The following AAGAB variants were observed in gnomAD, a reference collection of about 807,000 sequenced individuals.
AAGAB encodes the protein alpha- and gamma-adaptin-binding protein p34.
AAGAB carries 38 observed loss-of-function variants against 44.1 expected under a neutral mutation model. The ratio of observed to expected loss-of-function variants is 0.86; its 90% CI spans 0.67 to 1.13. The LOEUF is 1.13. AAGAB is among the 50% of genes most tolerant of loss of function. AAGAB has a pLI of 0.00. For synonymous variants in AAGAB, 131 were observed against 131.8 expected (o/e 0.99, Z 0.04); for missense variants, 450 against 373.8 (o/e 1.20, Z -1.68).
At chr15:67,231,743 C>T in intron 5 of AAGAB, 71 bp downstream of exon 5, 3 of 1,239,106 alleles carry the variant, frequency 2.4e-6, no homozygotes, top group Non-Finnish European at 3.5e-6. Context: ...AATGGTTCCA[C>T]ATATATCTCA....
Position 67,201,161 on chromosome 15 carries a change from G to C in AAGAB, c.*1660C>G, listed in dbSNP as rs1224671030. The C allele has an allele frequency of 6.6e-6, 1 of 150,416 alleles. No homozygotes were observed. 9.3% of individuals were successfully genotyped at this position (150,416 alleles called of 1,614,324 possible). A position where few individuals can be genotyped will look rare whatever the true frequency, so the allele number is the denominator to read the frequency against. ...TTTTCTAAAACCTTCCATCTTTTAA[G>C]GAAAACATGTTCCACCTTTTTTTTT... On this transcript the variant is annotated 3_prime_UTR_variant, in exon 10 of 10. Transcript: ENST00000261880.
rs1202621225 is a variant in AAGAB at position 67,200,826 on chromosome 15, C to T, written c.*1995G>A. 6.6e-6 allele frequency among the ~76,000 whole-genome samples: 1 copy of T among 152,152 alleles called. No homozygotes were observed. Among genetic ancestry groups the T allele is most frequent in the African/African-American group, 2.4e-5 (1 of 41,422 alleles). On this transcript the variant is annotated 3_prime_UTR_variant, in exon 10 of 10. Transcript: ENST00000261880. ...ACTAGAGACCTTCATCCCATATGTC[C>T]CTAGAAGAGGCCAATATCCCTGCAT...
intron 5 of AAGAB, among the ~76,000 whole-genome samples, chr15:67,217,757 C>T (rs771346098): frequency 6.6e-5 from 10 of 152,062 alleles, no homozygotes; most frequent in African/African-American, 9.7e-5. Context: ...AGGCTGGTCT[C>T]GAACTCCTGA....
rs758289239 is a variant in AAGAB, at chr15:67,236,664, A to G, written c.230T>C (p.Val77Ala). The change falls in exon 2 of 10, where the codon GTC (valine) becomes GCC (alanine). Residue 77 changes from valine (V) to alanine (A), a missense_variant. Val to Ala is a moderately conservative substitution (Grantham distance 64, BLOSUM62 0). Coordinates refer to ENST00000261880, the MANE Select transcript of AAGAB (RefSeq NM_024666.5). The part of the protein sequence containing the change: ...FLVTAEIAES[V>A]QAFVVYFDST... Reference sequence around the variant, plus strand: ...GTCAAAGTAAACCACAAATGCTTGGACAGATTCTGCAATCTCTGCAGTAAC... The same window carrying G: ...GTCAAAGTAAACCACAAATGCTTGGGCAGATTCTGCAATCTCTGCAGTAAC... The G allele has an allele frequency of 1.2e-6, 2 of 1,614,094 alleles. No homozygotes were observed. Among genetic ancestry groups the G allele is most frequent in the Non-Finnish European group, 1.7e-6 (2 of 1,179,980 alleles).
chr15:67,202,955 A>C, intron 9 of AAGAB, 57 bp from the exon 10 acceptor site: 1 of 1,531,466 alleles, frequency 6.5e-7, no homozygotes, highest in Non-Finnish European at 9.1e-7. Context: ...AGCTTGTTTC[A>C]TATGTCATAC....
chr15:67,213,392 AATT>A (rs1963868885), intron 5 of AAGAB, among the ~76,000 whole-genome samples: 1 of 152,090 alleles, frequency 6.6e-6, no homozygotes. Context: ...AAATATATGA[AATT>A]ATTTGCCACC....
At position 67,202,524 on chromosome 15, in the gene AAGAB, G is replaced by A. The variant is rs1335999675; in HGVS notation, c.*297C>T. The A allele has an allele frequency of 1.9e-5, 6 of 318,974 alleles. No individual in the cohort carries two copies. The highest frequency in any genetic ancestry group is 3.5e-5 in the Non-Finnish European group (6 of 172,336). The allele number at this position is 318,974 out of a possible 1,614,324, so 19.8% of individuals were successfully genotyped here. ...GGCCTGGAGGTTGTCTTCAACTTGA[G>A]TAAATCACACAGACCTCTGAGATTT... On this transcript the variant is annotated 3_prime_UTR_variant, in exon 10 of 10. Coordinates refer to ENST00000261880, the MANE Select transcript of AAGAB (RefSeq NM_024666.5).
intron 5 of AAGAB, among the ~76,000 whole-genome samples, chr15:67,215,120 CTTG>C (rs1158084267): frequency 2.0e-5 from 3 of 152,084 alleles, no homozygotes; most frequent in Non-Finnish European, 4.4e-5. Flanking sequence ...GCCATTTGTC[CTTG>C]TTGTCCTTAC....
At chr15:67,227,438 G>A (rs1964230402) in intron 5 of AAGAB, among the ~76,000 whole-genome samples, 1 of 151,864 alleles carries the variant, frequency 6.6e-6, no homozygotes, top group African/African-American at 2.4e-5. Context: ...TACTGCCACT[G>A]AAATGCATAT....
intron 4 of AAGAB, 117 bp downstream of exon 4, chr15:67,235,862 T>A: frequency 3.8e-6 from 3 of 784,382 alleles, no homozygotes; most frequent in Non-Finnish European, 6.1e-6. Context: ...TTTGCTTAAA[T>A]CCTTGAAACA....
At chr15:67,239,070 A>G (rs1964536017) in intron 1 of AAGAB, among the ~76,000 whole-genome samples, 1 of 152,182 alleles carries the variant, frequency 6.6e-6, no homozygotes, top group Non-Finnish European at 1.5e-5. Flanking sequence ...AAATACAGTA[A>G]TGAATTCACT....
Position 67,235,999 on chromosome 15 carries a change from T to C in AAGAB, c.431A>G (p.Glu144Gly). ...HGFELVELSP[E>G]ELPEEDDDFP... ...CTTACCATCCTCCTCAGGCAACTCC[T>C]CTGGACTAAGTTCTACCAATTCAAA... is the stretch of plus-strand genomic sequence containing the variant. Residue 144 changes from glutamate to glycine, a missense_variant, in exon 4 of 10, where the codon GAG (glutamate) becomes GGG (glycine). Coordinates refer to ENST00000261880, the MANE Select transcript of AAGAB (RefSeq NM_024666.5). The C allele has an allele frequency of 1.2e-6, 2 of 1,612,960 alleles. No homozygotes were observed. Among genetic ancestry groups the C allele is most frequent in the Admixed American group, 1.7e-5 (1 of 59,936 alleles).
upstream of AAGAB, chr15:67,254,895 C>T (rs1733623552): frequency 1.2e-6 from 2 of 1,613,564 alleles, no homozygotes; most frequent in African/African-American, 1.3e-5. Context: ...CCTGACCTAG[C>T]CATGGCACAG....
intron 4 of AAGAB, chr15:67,232,353 G>C (rs898038483): frequency 2.3e-5 from 4 of 176,578 alleles, no homozygotes; most frequent in African/African-American, 7.2e-5. Context: ...CATCATACAA[G>C]GAAAAAAATC....
chr15:67,203,813 T>C (rs1356804041), intron 8 of AAGAB, among the ~76,000 whole-genome samples: 3 of 152,078 alleles, frequency 2.0e-5, no homozygotes, highest in Non-Finnish European at 4.4e-5. Flanking sequence ...ATGTAACACA[T>C]TGAAAGAAAC....
Position 67,218,457 on chromosome 15 carries a change from A to G in AAGAB, c.536-8913T>C, listed in dbSNP as rs563757183. 2.6e-5 allele frequency among the ~76,000 whole-genome samples: 4 copies of G among 152,262 alleles called. No individual in the cohort carries two copies. In the East Asian group the frequency reaches 7.7e-4, roughly 29 times the overall value. On this transcript the variant is annotated intron_variant, in intron 5 of 9. Transcript: ENST00000261880. Reference sequence around the variant, plus strand: ...CTAGCCTGAAACAAACAAACAAACAAACAAACAAAAAACAACTCATCAGGC... The same window carrying G: ...CTAGCCTGAAACAAACAAACAAACAGACAAACAAAAAACAACTCATCAGGC...
At chr15:67,227,588 A>G (rs1292190807) in intron 5 of AAGAB, among the ~76,000 whole-genome samples, 1 of 152,260 alleles carries the variant, frequency 6.6e-6, no homozygotes, top group African/African-American at 2.4e-5. Flanking sequence ...AACCAGTCTG[A>G]GCACCTGCTG....
chr15:67,254,530 G>A, intron 1 of AAGAB, 29 bp downstream of exon 1: 7 of 1,584,578 alleles, frequency 4.4e-6, no homozygotes, highest in South Asian at 1.1e-5. Context: ...AGGGGCCTTG[G>A]AGGTCGGCCC....
At chr15:67,242,783 T>A (rs1286509682) in intron 1 of AAGAB, 1 of 152,260 alleles carries the variant, frequency 6.6e-6, no homozygotes, top group African/African-American at 2.4e-5. Context: ...GCAGTTTATA[T>A]GACAGGTCGA....
Sources: allele counts gnomAD v4.1 joint callset (sites outside exome capture counted in the v4.1 genomes callset), GRCh38; gene constraint gnomAD v4.1.1; transcripts MANE v1.5; gene names NCBI Gene and HGNC (gene_info 2026-07-23, HGNC 2026-07-21).